The following CNTNAP3B variants were observed in gnomAD, a reference collection of about 807,000 sequenced individuals.
CNTNAP3B encodes contactin-associated protein-like 3B.
Under a neutral mutation model 108.9 loss-of-function variants are expected in CNTNAP3B, and 25 were observed. That is an observed-to-expected ratio of 0.23 (90% CI 0.17 to 0.32). CNTNAP3B has a LOEUF of 0.32. Among genes scored for constraint, CNTNAP3B ranks in the 10% least tolerant of loss-of-function variants. CNTNAP3B has a pLI of 1.00. For missense variants in CNTNAP3B, 252 were observed against 1,210.4 expected (o/e 0.21, Z 11.75); for synonymous variants, 103 against 473.4 (o/e 0.22, Z 10.16).
chr9:41,957,639 G>T (rs1300926005), intron 12 of CNTNAP3B, among the ~76,000 whole-genome samples: 1 of 150,796 alleles, frequency 6.6e-6, no homozygotes, highest in Non-Finnish European at 1.5e-5. Flanking sequence ...ATCTGGTCTT[G>T]CATGCTATCT....
Position 42,127,161 on chromosome 9 carries a change from C to T in CNTNAP3B, c.85+1849G>A, listed in dbSNP as rs1367733288. Among the ~76,000 whole-genome samples the T allele has an allele frequency of 2.2e-5, 3 of 138,472 alleles. 1 individual carries two copies. The highest frequency in any genetic ancestry group is 2.3e-4 in the South Asian group (1 of 4,304). The allele number at this position is 138,472 out of a possible 152,430, so 90.8% of individuals were successfully genotyped here. On this transcript the variant is annotated intron_variant, in intron 1 of 23. Coordinates refer to ENST00000377561, the MANE Select transcript of CNTNAP3B (RefSeq NM_001201380.3). ...ACTAAGTTTCATCAACGAAAGAAGA[C>T]TGAAAACACCCACAGTAGTAGTATT...
rs182920331 is a variant in CNTNAP3B at position 42,109,974 on chromosome 9, C to T, written c.86-5235G>A. Among the ~76,000 whole-genome samples the T allele has an allele frequency of 3.4e-3, 476 of 138,538 alleles. 72 individuals carry two copies. The highest frequency in any genetic ancestry group is 5.7e-3 in the Admixed American group (80 of 13,922). The allele number at this position is 138,538 out of a possible 152,430, so 90.9% of individuals were successfully genotyped here. A position where few individuals can be genotyped will look rare whatever the true frequency, so the allele number is the denominator to read the frequency against. ...AGGCACACGGGCAACCACAGGAAGCCGGAAGAAACGAAGAATGCATGTCCC... is the reference window on the plus strand; with the variant it reads ...AGGCACACGGGCAACCACAGGAAGCTGGAAGAAACGAAGAATGCATGTCCC... On this transcript the variant is annotated intron_variant, in intron 1 of 23. Transcript: ENST00000377561.
chr9:41,913,233 TA>T (rs1823446133), intron 18 of CNTNAP3B, among the ~76,000 whole-genome samples: 2 of 132,754 alleles, frequency 1.5e-5, no homozygotes, highest in Non-Finnish European at 3.2e-5. Flanking sequence ...TCAACTAAAT[TA>T]CCCCTTTCAA....
intron 11 of CNTNAP3B, among the ~76,000 whole-genome samples, chr9:41,962,841 G>C (rs1340214218): frequency 1.3e-5 from 2 of 152,168 alleles, no homozygotes; most frequent in Non-Finnish European, 2.9e-5. Flanking sequence ...TGTAGTCCCA[G>C]GTACTCGGGA....
intron 1 of CNTNAP3B, among the ~76,000 whole-genome samples, chr9:42,125,664 T>TG (rs1228353149): frequency 2.9e-5 from 3 of 101,796 alleles, no homozygotes; most frequent in East Asian, 4.6e-4. Flanking sequence ...CTACATTTTT[T>TG]GTTTTTTTTT....
intron 13 of CNTNAP3B, among the ~76,000 whole-genome samples, chr9:41,942,781 C>T (rs1365798731): frequency 6.6e-6 from 1 of 152,044 alleles, no homozygotes; most frequent in Non-Finnish European, 1.5e-5. Context: ...TCTGGGAAAA[C>T]TCAAAACGGA....
chr9:42,070,717 C>T (rs1170250266), intron 3 of CNTNAP3B, among the ~76,000 whole-genome samples: 2 of 152,164 alleles, frequency 1.3e-5, no homozygotes, highest in African/African-American at 2.4e-5. Context: ...CCTCTGGGCT[C>T]AGTGCTGATC....
intron 13 of CNTNAP3B, among the ~76,000 whole-genome samples, chr9:41,943,554 G>C (rs1419435428): frequency 1.3e-5 from 2 of 151,564 alleles, no homozygotes; most frequent in Non-Finnish European, 2.9e-5. Flanking sequence ...TGGTTTCCCC[G>C]TGGTAGCCAG....
rs1312547010 is a variant in CNTNAP3B, at chr9:42,118,055, G to C, written c.85+10955C>G. Among the ~76,000 whole-genome samples the C allele has an allele frequency of 3.0e-5, 4 of 133,450 alleles. 1 individual carries two copies. Among genetic ancestry groups the C allele is most frequent in the Non-Finnish European group, 6.4e-5 (4 of 62,952 alleles). The allele number at this position is 133,450 out of a possible 152,430, so 87.5% of individuals were successfully genotyped here. On this transcript the variant is annotated intron_variant, in intron 1 of 23. Transcript: ENST00000377561. ...AGTAATAGCTTAACAACCAAAAAAA[G>C]TCCAGGACCAGATGGATTCACAGCC...
chr9:42,071,654 C>T (rs1172313782), intron 3 of CNTNAP3B, among the ~76,000 whole-genome samples: 3 of 136,374 alleles, frequency 2.2e-5, no homozygotes, highest in Non-Finnish European at 4.7e-5. Flanking sequence ...GAAGCTGTGG[C>T]AATGGTCCAG....
At chr9:42,066,570 G>A (rs1283347445) in intron 3 of CNTNAP3B, among the ~76,000 whole-genome samples, 1 of 127,876 alleles carries the variant, frequency 7.8e-6, no homozygotes, top group Non-Finnish European at 1.6e-5. Context: ...GGGATTACAG[G>A]CGCCTGCCAC....
chr9:41,995,678 C>T (rs1346304612), intron 7 of CNTNAP3B, among the ~76,000 whole-genome samples: 3 of 124,122 alleles, frequency 2.4e-5, no homozygotes, highest in Non-Finnish European at 5.0e-5. Flanking sequence ...TTGCAGTGAG[C>T]CAAGATCGTG....
chr9:42,107,846 G>A (rs1236701985), intron 1 of CNTNAP3B, among the ~76,000 whole-genome samples: 6 of 130,298 alleles, frequency 4.6e-5, no homozygotes, highest in South Asian at 5.0e-4. Flanking sequence ...ATGGTGGCAC[G>A]TGCCCATAGT....
At chr9:41,944,029 G>A (rs1334389555) in intron 13 of CNTNAP3B, among the ~76,000 whole-genome samples, 1 of 151,898 alleles carries the variant, frequency 6.6e-6, no homozygotes, top group Non-Finnish European at 1.5e-5. Flanking sequence ...CAAGAAGAAA[G>A]TGAAGTGAAA....
Position 41,924,609 on chromosome 9 carries a change from C to A in CNTNAP3B, c.2366-516G>T, listed in dbSNP as rs538178386. 1.6e-4 allele frequency among the ~76,000 whole-genome samples: 23 copies of A among 146,414 alleles called. No individual in the cohort carries two copies. In the South Asian group the frequency reaches 3.2e-3, roughly 20 times the overall value. ...GAAGGAGGTAGTTGGAAAAATGACT[C>A]CAGAAGCCAGAACACAGACTCTTGC... is the stretch of plus-strand genomic sequence containing the variant. On this transcript the variant is annotated intron_variant, in intron 15 of 23. Coordinates refer to ENST00000377561, the MANE Select transcript of CNTNAP3B (RefSeq NM_001201380.3).
chr9:41,953,038 C>A lies in CNTNAP3B; in HGVS notation c.2080+145G>T, dbSNP rs1398337626. On this transcript the variant is annotated intron_variant, in intron 13 of 23. Transcript: ENST00000377561. ...GAATGCTCTTTGGTCCAACCAAGAG[C>A]GGGAAGAGAAGGAGAGAGCGGTCAG... 12 of 1,099,916 alleles carry A rather than the reference C, an allele frequency of 1.1e-5. No individual in the cohort carries two copies. The African/African-American group carries it at 1.5e-4, about 14-fold the overall frequency. The allele number at this position is 1,099,916 out of a possible 1,614,324, so 68.1% of individuals were successfully genotyped here.
chr9:42,125,770 C>G lies in CNTNAP3B; in HGVS notation c.85+3240G>C, dbSNP rs1243140784. Among the ~76,000 whole-genome samples, 3 of 131,648 alleles carry G rather than the reference C, an allele frequency of 2.3e-5. 1 individual carries two copies. The highest frequency in any genetic ancestry group is 4.8e-5 in the Non-Finnish European group (3 of 62,754). 86.4% of individuals were successfully genotyped at this position (131,648 alleles called of 152,430 possible). On this transcript the variant is annotated intron_variant, in intron 1 of 23. Transcript: ENST00000377561. ...ACTGCCTCCTCACAGGCACCTGCCA[C>G]CATGCCCTGAAATTTTTTCATATTT...
At chr9:42,063,686 T>A (rs1262082809) in intron 3 of CNTNAP3B, among the ~76,000 whole-genome samples, 1 of 136,382 alleles carries the variant, frequency 7.3e-6, no homozygotes, top group Non-Finnish European at 1.6e-5. Context: ...CTTTGCTCCC[T>A]CCCTCCTTCC....
rs1332048159 is a variant in CNTNAP3B at position 41,918,337 on chromosome 9, T to C, written c.2995+1733A>G. The stretch of plus-strand genomic sequence containing the variant: ...ATAGAAAGGCTAATCCAAAGTGGTA[T>C]CTACAGTATTCTGAGAGAGAAAAGT... On this transcript the variant is annotated intron_variant, in intron 18 of 23. Transcript: ENST00000377561. 2.7e-5 allele frequency among the ~76,000 whole-genome samples: 4 copies of C among 148,676 alleles called. No individual in the cohort carries two copies. The South Asian group carries it at 8.5e-4, about 31-fold the overall frequency.
Sources: gnomAD v4.1 joint callset for allele counts (sites outside exome capture counted in the v4.1 genomes callset) on GRCh38, gnomAD v4.1.1 for gene constraint, MANE v1.5 for transcripts, NCBI Gene and HGNC (gene_info 2026-07-23, HGNC 2026-07-21) for gene names.